The following NALCN variants were observed in gnomAD, a reference collection of about 807,000 sequenced individuals.
The protein encoded by NALCN is sodium leak channel NALCN.
NALCN carries 111 observed loss-of-function variants against 225.3 expected under a neutral mutation model. The observed-to-expected ratio is 0.49, with a 90% confidence interval of 0.42 to 0.58. NALCN has a LOEUF of 0.58. Among genes scored for constraint, NALCN ranks in the 20% least tolerant of loss-of-function variants. The pLI, the probability that NALCN is intolerant of heterozygous loss-of-function variation, is 0.00. For synonymous variants in NALCN, 764 were observed against 769.0 expected (o/e 0.99, Z 0.11); for missense variants, 1,378 against 2,202.4 (o/e 0.63, Z 7.49).
chr13:101,255,241 T>C (rs551940268), intron 11 of NALCN, among the ~76,000 whole-genome samples: 1 of 152,214 alleles, frequency 6.6e-6, no homozygotes, highest in Non-Finnish European at 1.5e-5. Context: ...CAGTCAACTC[T>C]ACAACATTCA....
At chr13:101,058,207 AT>A (rs1244233332) in intron 42 of NALCN, 151 bp from the exon 43 acceptor site, 2 of 634,250 alleles carry the variant, frequency 3.2e-6, no homozygotes, top group Non-Finnish European at 5.4e-6. Flanking sequence ...GAAAATGGGT[AT>A]AAAGGGTCAC....
chr13:101,131,746 G>A (rs1024703846), intron 17 of NALCN, among the ~76,000 whole-genome samples: 4 of 152,248 alleles, frequency 2.6e-5, no homozygotes, highest in Admixed American at 2.6e-4. Context: ...TTTATTTAGG[G>A]TTTGTGGATT....
At chr13:101,099,197 C>A (rs1434079911) in intron 27 of NALCN, among the ~76,000 whole-genome samples, 1 of 151,896 alleles carries the variant, frequency 6.6e-6, no homozygotes, top group East Asian at 1.9e-4. Flanking sequence ...TGGATGAATG[C>A]GTCAGGTCTC....
intron 10 of NALCN, 34 bp downstream of exon 10, chr13:101,283,899 C>T: frequency 6.4e-7 from 1 of 1,550,556 alleles, no homozygotes; most frequent in East Asian, 2.3e-5. Flanking sequence ...AAGACCTTTG[C>T]TGGGCGATTT....
intron 6 of NALCN, among the ~76,000 whole-genome samples, chr13:101,366,162 C>A (rs1454976906): frequency 2.0e-5 from 3 of 152,140 alleles, no homozygotes; most frequent in Non-Finnish European, 4.4e-5. Context: ...AGGAAATGAG[C>A]TGCTTTGCTT....
At chr13:101,065,098 G>A (rs2032264848) in intron 40 of NALCN, among the ~76,000 whole-genome samples, 1 of 152,110 alleles carries the variant, frequency 6.6e-6, no homozygotes, top group Non-Finnish European at 1.5e-5. Context: ...GGAAGGGGTG[G>A]GACTGTGCTC....
At chr13:101,407,383 T>A (rs144348355) in intron 1 of NALCN, among the ~76,000 whole-genome samples, 3 of 152,320 alleles carry the variant, frequency 2.0e-5, no homozygotes, top group Non-Finnish European at 4.4e-5. Context: ...ATAGATGATA[T>A]CCAAAGTGAC....
At position 101,395,304 on chromosome 13, in the gene NALCN, G is replaced by T. The variant is rs1188144130; in HGVS notation, c.170C>A (p.Thr57Lys). The T allele has an allele frequency of 6.2e-7, 1 of 1,614,026 alleles. No individual in the cohort carries two copies. Among genetic ancestry groups the T allele is most frequent in the East Asian group, 2.2e-5 (1 of 44,874 alleles). Residue 57 changes from threonine to lysine, a missense_variant, in exon 3 of 44, where the codon ACG becomes AAG. Around this residue, in one of 19 missense-constraint regions of NALCN, gnomAD observed 146 missense variants for 205.9 expected, o/e 0.71. Transcript: ENST00000251127. ...IISVISVCMN[T>K]PMTFEHYPPL... ...AGGATAGTGCTCGAAGGTCATTGGC[G>T]TATTCATACAAACAGAAATGACGCT...
chr13:101,317,464 C>A (rs2044591394), intron 7 of NALCN, among the ~76,000 whole-genome samples: 1 of 152,184 alleles, frequency 6.6e-6, no homozygotes. Context: ...AAGCTAACTT[C>A]TCCCTCGTAA....
At chr13:101,278,182 G>A (rs1446092863) in intron 10 of NALCN, among the ~76,000 whole-genome samples, 1 of 151,966 alleles carries the variant, frequency 6.6e-6, no homozygotes, top group Non-Finnish European at 1.5e-5. Flanking sequence ...AAGTACAGCC[G>A]TTCAAATGTT....
chr13:101,384,309 A>G (rs1371142527), intron 3 of NALCN, among the ~76,000 whole-genome samples: 1 of 152,162 alleles, frequency 6.6e-6, no homozygotes, highest in Non-Finnish European at 1.5e-5. Flanking sequence ...GCTATGCGCA[A>G]AAATCAGCAC....
At chr13:101,134,399 G>A (rs1287010613) in intron 17 of NALCN, among the ~76,000 whole-genome samples, 1 of 152,086 alleles carries the variant, frequency 6.6e-6, no homozygotes, top group African/African-American at 2.4e-5. Flanking sequence ...TTATCTTTCT[G>A]TAAATTCCAA....
At position 101,357,912 on chromosome 13, in the gene NALCN, C is replaced by T. The variant is rs2046111286; in HGVS notation, c.645-12492G>A. Reference sequence around the variant, plus strand: ...CTACAACCATCTGATCTTTGACAAACCTGACAAAAACAAGCAGTGGGGAAA... The same window carrying T: ...CTACAACCATCTGATCTTTGACAAATCTGACAAAAACAAGCAGTGGGGAAA... On this transcript the variant is annotated intron_variant, in intron 6 of 43. Coordinates refer to ENST00000251127, the MANE Select transcript of NALCN (RefSeq NM_052867.4). 2.0e-5 allele frequency among the ~76,000 whole-genome samples: 3 copies of T among 152,090 alleles called. No homozygotes were observed. In the South Asian group the frequency reaches 6.2e-4, roughly 32 times the overall value.
intron 22 of NALCN, 81 bp from the exon 23 acceptor site, chr13:101,105,031 C>T: frequency 8.1e-7 from 1 of 1,240,266 alleles, no homozygotes; most frequent in Non-Finnish European, 1.2e-6. Flanking sequence ...GCAAACATCT[C>T]ATCTACCTAA....
chr13:101,201,114 T>A (rs2040102836), intron 13 of NALCN, among the ~76,000 whole-genome samples: 1 of 152,160 alleles, frequency 6.6e-6, no homozygotes, highest in Non-Finnish European at 1.5e-5. Flanking sequence ...AGGACTAGAA[T>A]GGAAAGGACT....
At chr13:101,306,783 A>G (rs1272947389) in intron 7 of NALCN, among the ~76,000 whole-genome samples, 2 of 152,202 alleles carry the variant, frequency 1.3e-5, no homozygotes. Context: ...GCCATTTGCT[A>G]AGGTCGCATG....
chr13:101,142,957 A>C, intron 17 of NALCN, 123 bp downstream of exon 17: 1 of 1,297,704 alleles, frequency 7.7e-7, no homozygotes, highest in East Asian at 2.3e-5. Context: ...TTACAAATGA[A>C]ATCATTTTAT....
intron 18 of NALCN, among the ~76,000 whole-genome samples, chr13:101,120,199 T>A (rs757183189): frequency 6.6e-6 from 1 of 152,120 alleles, no homozygotes; most frequent in Non-Finnish European, 1.5e-5. Context: ...AAATGGAAGA[T>A]GGATATTTGG....
chr13:101,068,801 A>T lies in NALCN; in HGVS notation c.4224T>A (p.Asp1408Glu). Residue 1408 changes from aspartate (D) to glutamate (E), a missense_variant, in exon 38 of 44, where the codon GAT becomes GAA. This residue lies in a region of NALCN where 76 missense variants were observed against 118.7 expected (regional missense o/e 0.64). Coordinates refer to ENST00000251127, the MANE Select transcript of NALCN (RefSeq NM_052867.4). ...CMVQPPFCTP[D>E]EFTYWATDCG... Reference sequence around the variant, plus strand: ...AGTCTGTTGCCCAGTATGTAAATTCATCTGGAGTACAAAACGGAGGCTGAA... The same window carrying T: ...AGTCTGTTGCCCAGTATGTAAATTCTTCTGGAGTACAAAACGGAGGCTGAA... 2 of 1,611,664 alleles carry T rather than the reference A, an allele frequency of 1.2e-6. No homozygotes were observed. Among genetic ancestry groups the T allele is most frequent in the Non-Finnish European group, 1.7e-6 (2 of 1,179,060 alleles).
Sources: gnomAD v4.1 joint callset for allele counts (sites outside exome capture counted in the v4.1 genomes callset) on GRCh38, gnomAD v4.1.1 for gene constraint, gnomAD v4.1.1 regional missense constraint, MANE v1.5 for transcripts, NCBI Gene and HGNC (gene_info 2026-07-23, HGNC 2026-07-21) for gene names.